Variants in SMCR8 observed in about 807,000 individuals in gnomAD.
The protein encoded by SMCR8 is SMCR8-C9orf72 complex subunit.
Under a neutral mutation model 56.6 loss-of-function variants are expected in SMCR8, and 30 were observed. That is an observed-to-expected ratio of 0.53 (90% confidence interval 0.40 to 0.72). The LOEUF (loss-of-function observed/expected upper bound fraction) is 0.72. Ranked by LOEUF, SMCR8 falls within the 30% of genes least tolerant of loss-of-function variation. The probability of loss-of-function intolerance (pLI) is 0.00; values close to 1 mark genes in which losing one functional copy is unlikely to be tolerated. For missense variants in SMCR8, 1,198 were observed against 1,157.0 expected (o/e 1.04, Z -0.51); for synonymous variants, 538 against 456.0 (o/e 1.18, Z -2.29).
At position 18,315,776 on chromosome 17, in the gene SMCR8, A is replaced by G; in HGVS notation, c.-14A>G. 1.3e-6 allele frequency: 2 copies of G among 1,566,598 alleles called. No individual in the cohort carries two copies. Among genetic ancestry groups the G allele is most frequent in the Non-Finnish European group, 1.7e-6 (2 of 1,154,716 alleles). ...CCCACTTCCTCTCAATGTTTTCTTC[A>G]TATATCTGGAAATATGATCAGCGCC... On this transcript the variant is annotated 5_prime_UTR_variant, in exon 1 of 2. Transcript: ENST00000406438.
rs1206916711 is a variant in SMCR8, at chr17:18,327,036, CTG to C, written c.*3969_*3970del. 2 of 152,544 alleles carry C rather than the reference CTG, an allele frequency of 1.3e-5. No homozygotes were observed. The highest frequency in any genetic ancestry group is 6.5e-5 in the Admixed American group (1 of 15,276). 9.4% of individuals were successfully genotyped at this position (152,544 alleles called of 1,614,324 possible). A position where few individuals can be genotyped will look rare whatever the true frequency, so the allele number is the denominator to read the frequency against. ...TCAGCTTTCTGGCTTTGCCCCAAAACTGTGATGGAACATAATAAAACTGGAGA... is the reference window on the plus strand; with the variant it reads ...TCAGCTTTCTGGCTTTGCCCCAAAACTGATGGAACATAATAAAACTGGAGA... On this transcript the variant is annotated 3_prime_UTR_variant, in exon 2 of 2. Coordinates refer to ENST00000406438, the MANE Select transcript of SMCR8 (RefSeq NM_144775.3).
In SMCR8 at chr17:18,316,651, GATGAGT is replaced by G. The variant is rs1188188796; in HGVS notation, c.863_868del (p.Asp288_Ser290delinsAla). 1 of 1,614,156 alleles carries G rather than the reference GATGAGT, an allele frequency of 6.2e-7. No homozygotes were observed. The highest frequency in any genetic ancestry group is 8.5e-7 in the Non-Finnish European group (1 of 1,180,036). On this transcript the variant is annotated inframe_deletion, in exon 1 of 2. Transcript: ENST00000406438. ...CCAGGCATCCACTACCTCTAACCCTGATGAGTCTGCCGACACAGACCTTTACACCTG... is the reference window on the plus strand; with the variant it reads ...CCAGGCATCCACTACCTCTAACCCTGCTGCCGACACAGACCTTTACACCTG...
chr17:18,320,194 T>C (rs988939097), intron 1 of SMCR8, among the ~76,000 whole-genome samples: 2 of 152,202 alleles, frequency 1.3e-5, no homozygotes, highest in African/African-American at 4.8e-5. Context: ...CTTTACCCAG[T>C]CCTCTGTGTC....
chr17:18,319,115 A>G (rs887320358), intron 1 of SMCR8, among the ~76,000 whole-genome samples: 1 of 152,162 alleles, frequency 6.6e-6, no homozygotes, highest in East Asian at 1.9e-4. Context: ...GTATGATAAG[A>G]TGAAACTGTT....
At position 18,325,519 on chromosome 17, in the gene SMCR8, T is replaced by A. The variant is rs1391144018; in HGVS notation, c.*2449T>A. On this transcript the variant is annotated 3_prime_UTR_variant, in exon 2 of 2. Coordinates refer to ENST00000406438, the MANE Select transcript of SMCR8 (RefSeq NM_144775.3). ...TAGTGTTTAGCTCCCAGATTTATAT[T>A]TGGGTTAAAAACTAACTTTTCAATG... 4 of 152,210 alleles carry A rather than the reference T, an allele frequency of 2.6e-5. No homozygotes were observed. Among genetic ancestry groups the A allele is most frequent in the African/African-American group, 4.8e-5 (2 of 41,458 alleles). 9.4% of individuals were successfully genotyped at this position (152,210 alleles called of 1,614,324 possible).
intron 1 of SMCR8, among the ~76,000 whole-genome samples, chr17:18,319,250 A>G (rs1598000190): frequency 6.6e-6 from 1 of 152,130 alleles, no homozygotes; most frequent in African/African-American, 2.4e-5. Context: ...ACACCTCTGA[A>G]GGGCTCCCGG....
chr17:18,322,696 A>G lies in SMCR8; in HGVS notation c.2440A>G (p.Asn814Asp), dbSNP rs201655539. 678 of 1,614,184 alleles carry G rather than the reference A, an allele frequency of 4.2e-4. 1 individual carries two copies. The highest frequency in any genetic ancestry group is 1.1e-3 in the African/African-American group (80 of 75,058). ...CTACACGAGCATCCTGGACCTTGAC[A>G]ACAAAACCCTGCGCTGCCCCCTTTA... ...SRYTSILDLDNKTLRCPLYRG... is the reference protein window; with the variant it reads ...SRYTSILDLDDKTLRCPLYRG... The change falls in exon 2 of 2, where the codon AAC becomes GAC. Residue 814 changes from asparagine (N) to aspartate (D), a missense_variant. Physicochemically the swap from Asn to Asp is conservative, Grantham distance 23. Coordinates refer to ENST00000406438, the MANE Select transcript of SMCR8 (RefSeq NM_144775.3).
chr17:18,324,819 C>G lies in SMCR8; in HGVS notation c.*1749C>G, dbSNP rs948775178. ...TGCTCCTGGGGCTGCGATGGAGAAC[C>G]TTTTGTGGCAGATGGTGCTGCCTAC... is the stretch of plus-strand genomic sequence containing the variant. On this transcript the variant is annotated 3_prime_UTR_variant, in exon 2 of 2. Coordinates refer to ENST00000406438, the MANE Select transcript of SMCR8 (RefSeq NM_144775.3). 1 of 152,304 alleles carries G rather than the reference C, an allele frequency of 6.6e-6. No individual in the cohort carries two copies. 9.4% of individuals were successfully genotyped at this position (152,304 alleles called of 1,614,324 possible).
chr17:18,322,603 C>T lies in SMCR8; in HGVS notation c.2361-14C>T, dbSNP rs749988525. 2 of 1,609,312 alleles carry T rather than the reference C, an allele frequency of 1.2e-6. No individual in the cohort carries two copies. The highest frequency in any genetic ancestry group is 1.1e-5 in the South Asian group (1 of 90,948). ...CCCTTGCCCTTCCTCCTGACCTTGG[C>T]CTGTCTGTTTCAGAGTGGCCTCCCC... On this transcript the variant is annotated splice_polypyrimidine_tract_variant and intron_variant, in intron 1 of 1. Transcript: ENST00000406438.
Position 18,315,858 on chromosome 17 carries a change from GC to G in SMCR8, c.71del (p.Pro24ArgfsTer50), listed in dbSNP as rs776009230. 1 of 1,613,878 alleles carries G rather than the reference GC, an allele frequency of 6.2e-7. No individual in the cohort carries two copies. Among genetic ancestry groups the G allele is most frequent in the Non-Finnish European group, 8.5e-7 (1 of 1,179,836 alleles). On this transcript the variant is annotated frameshift_variant, in exon 1 of 2. Coordinates refer to ENST00000406438, the MANE Select transcript of SMCR8 (RefSeq NM_144775.3). LOFTEE classifies it high-confidence loss of function. ...EEYEEEPYNE[P>X]ALPEEYSVPL... ...AGTATGAAGAAGAGCCTTACAATGA[GC>G]CGGCCCTGCCTGAGGAGTACTCGGT...
chr17:18,315,848 C>T lies in SMCR8; in HGVS notation c.59C>T (p.Pro20Leu), dbSNP rs1982244670. ...AAAGAGGAAGAGTATGAAGAAGAGC[C>T]TTACAATGAGCCGGCCCTGCCTGAG... The part of the protein sequence containing the change: ...FTKEEEYEEE[P>L]YNEPALPEEY... The change falls in exon 1 of 2, where the codon CCT becomes CTT. Residue 20 changes from proline (P) to leucine (L), a missense_variant. Pro to Leu is a moderately conservative substitution (Grantham distance 98). Transcript: ENST00000406438. The T allele has an allele frequency of 6.2e-7, 1 of 1,613,764 alleles. No homozygotes were observed. The highest frequency in any genetic ancestry group is 1.6e-4 in the Middle Eastern group (1 of 6,062).
Position 18,322,796 on chromosome 17 carries a change from T to C in SMCR8, c.2540T>C (p.Val847Ala), listed in dbSNP as rs745371925. Residue 847 changes from valine to alanine, a missense_variant, in exon 2 of 2, where the codon GTC becomes GCC. Physicochemically the swap from Val to Ala is moderately conservative, Grantham distance 64 (BLOSUM62 0). Coordinates refer to ENST00000406438, the MANE Select transcript of SMCR8 (RefSeq NM_144775.3). ...CGGGGCAGCACCTACTACCTGCATG[T>C]CCAGAGCATGCTCACCCAGCTCTGC... ...IKRGSTYYLHVQSMLTQLCSK... is the reference protein window; with the variant it reads ...IKRGSTYYLHAQSMLTQLCSK... 1 of 1,614,070 alleles carries C rather than the reference T, an allele frequency of 6.2e-7. No homozygotes were observed. Among genetic ancestry groups the C allele is most frequent in the Admixed American group, 1.7e-5 (1 of 60,026 alleles).
Position 18,323,370 on chromosome 17 carries a change from C to T in SMCR8, c.*300C>T, listed in dbSNP as rs553809134. 4.7e-5 allele frequency: 18 copies of T among 385,464 alleles called. No individual in the cohort carries two copies. In the South Asian group the frequency reaches 7.1e-4, roughly 15 times the overall value. 23.9% of individuals were successfully genotyped at this position (385,464 alleles called of 1,614,324 possible). Reference sequence around the variant, plus strand: ...CTGGCAGCCAGGGCAGAAGGGAAGCCACCAGTCCCTTGGTGGGGCAGGGTG... The same window carrying T: ...CTGGCAGCCAGGGCAGAAGGGAAGCTACCAGTCCCTTGGTGGGGCAGGGTG... On this transcript the variant is annotated 3_prime_UTR_variant, in exon 2 of 2. Transcript: ENST00000406438.
In SMCR8 at chr17:18,323,104, A is replaced by C; in HGVS notation, c.*34A>C. The C allele has an allele frequency of 6.3e-7, 1 of 1,576,106 alleles. No homozygotes were observed. The highest frequency in any genetic ancestry group is 8.7e-7 in the Non-Finnish European group (1 of 1,154,002). ...CCAGACACTGTGACCAAGACCTGTG[A>C]CTCAGGGTATGGGGAGGGGAGGGGT... is the stretch of plus-strand genomic sequence containing the variant. On this transcript the variant is annotated 3_prime_UTR_variant, in exon 2 of 2. Transcript: ENST00000406438.
rs1420301430 is a variant in SMCR8 at position 18,323,796 on chromosome 17, G to A, written c.*726G>A. On this transcript the variant is annotated 3_prime_UTR_variant, in exon 2 of 2. Transcript: ENST00000406438. Reference sequence around the variant, plus strand: ...CTCTTTCACCAGGAACGAGCAGAGTGTTCACTAGTCCTAGTGTGAAGCGGG... The same window carrying A: ...CTCTTTCACCAGGAACGAGCAGAGTATTCACTAGTCCTAGTGTGAAGCGGG... 1 of 152,806 alleles carries A rather than the reference G, an allele frequency of 6.5e-6. No homozygotes were observed. The highest frequency in any genetic ancestry group is 1.5e-5 in the Non-Finnish European group (1 of 68,502). The allele number at this position is 152,806 out of a possible 1,614,324, so 9.5% of individuals were successfully genotyped here. A position where few individuals can be genotyped will look rare whatever the true frequency, so the allele number is the denominator to read the frequency against.
chr17:18,322,048 G>A (rs570861170), intron 1 of SMCR8, among the ~76,000 whole-genome samples: 63 of 152,312 alleles, frequency 4.1e-4, no homozygotes, highest in African/African-American at 1.5e-3. Context: ...GTCTCGCTCT[G>A]TTGCCCAGGC....
rs2151556275 is a variant in SMCR8 at position 18,325,297 on chromosome 17, G to A, written c.*2227G>A. 2 of 152,306 alleles carry A rather than the reference G, an allele frequency of 1.3e-5. No homozygotes were observed. The highest frequency in any genetic ancestry group is 3.9e-4 in the East Asian group (2 of 5,174). The allele number at this position is 152,306 out of a possible 1,614,324, so 9.4% of individuals were successfully genotyped here. A position where few individuals can be genotyped will look rare whatever the true frequency, so the allele number is the denominator to read the frequency against. ...CTAGAAGCTGAAGTTGTGCCCTCAA[G>A]TGGTCCTAAGTAGAAGTCCACTTGA... On this transcript the variant is annotated 3_prime_UTR_variant, in exon 2 of 2. Coordinates refer to ENST00000406438, the MANE Select transcript of SMCR8 (RefSeq NM_144775.3).
Position 18,315,556 on chromosome 17 carries a change from G to A in SMCR8, c.-234G>A, listed in dbSNP as rs1240370409. 5 of 478,354 alleles carry A rather than the reference G, an allele frequency of 1.0e-5. No individual in the cohort carries two copies. Among genetic ancestry groups the A allele is most frequent in the African/African-American group, 7.8e-5 (4 of 51,486 alleles). 29.6% of individuals were successfully genotyped at this position (478,354 alleles called of 1,614,324 possible). On this transcript the variant is annotated 5_prime_UTR_variant, in exon 1 of 2. Coordinates refer to ENST00000406438, the MANE Select transcript of SMCR8 (RefSeq NM_144775.3). ...AGAAGAGAAGGGCAGTTGGGCCTGCGGCCTTGGCGTTCATGAGGCCTCAGA... is the reference window on the plus strand; with the variant it reads ...AGAAGAGAAGGGCAGTTGGGCCTGCAGCCTTGGCGTTCATGAGGCCTCAGA...
intron 1 of SMCR8, among the ~76,000 whole-genome samples, chr17:18,322,205 G>T (rs1387791417): frequency 6.6e-6 from 1 of 152,090 alleles, no homozygotes; most frequent in Non-Finnish European, 1.5e-5. Context: ...TAGAGACAGG[G>T]TTTCACCGTG....
Sources: gnomAD v4.1 joint callset for allele counts (sites outside exome capture counted in the v4.1 genomes callset) on GRCh38, gnomAD v4.1.1 for gene constraint, MANE v1.5 for transcripts, NCBI Gene and HGNC (gene_info 2026-07-23, HGNC 2026-07-21) for gene names.